RTN4IP1: variants seen among roughly 807,000 people sequenced by gnomAD.
The protein encoded by RTN4IP1 is NAD(P)H oxidoreductase RTN4IP1, mitochondrial.
RTN4IP1 carries 32 observed loss-of-function variants against 46.6 expected under a neutral mutation model. That is an observed-to-expected ratio of 0.69 (90% CI 0.52 to 0.92). The LOEUF (loss-of-function observed/expected upper bound fraction) is 0.92. Ranked by LOEUF, RTN4IP1 falls within the 40% of genes least tolerant of loss-of-function variation. The pLI is 0.00. For synonymous variants in RTN4IP1, 167 were observed against 161.8 expected (o/e 1.03, Z -0.24); for missense variants, 424 against 485.8 (o/e 0.87, Z 1.20).
At chr6:106,627,425 A>G (rs1381957534) in intron 1 of RTN4IP1, among the ~76,000 whole-genome samples, 1 of 152,212 alleles carries the variant, frequency 6.6e-6, no homozygotes, top group East Asian at 1.9e-4. Context: ...TGTTATCTTA[A>G]GTCAGAACAA....
chr6:106,611,181 A>G (rs914655226), intron 4 of RTN4IP1, among the ~76,000 whole-genome samples: 7 of 152,190 alleles, frequency 4.6e-5, no homozygotes, highest in African/African-American at 1.7e-4. Flanking sequence ...ATCTAGAGTC[A>G]CGGGTTCAGG....
chr6:106,608,676 A>G (rs1317197104), intron 4 of RTN4IP1, among the ~76,000 whole-genome samples: 1 of 152,226 alleles, frequency 6.6e-6, no homozygotes, highest in Non-Finnish European at 1.5e-5. Flanking sequence ...CTATTAATCT[A>G]TTATCAGTTG....
In RTN4IP1 at chr6:106,583,328, C is replaced by A; in HGVS notation, c.1083G>T (p.Lys361Asn). Residue 361 changes from lysine to asparagine, a missense_variant and splice_region_variant, in exon 8 of 9, where the codon AAG (lysine) becomes AAT (asparagine). Lys to Asn is a moderately conservative substitution (Grantham distance 94). Coordinates refer to ENST00000369063, the MANE Select transcript of RTN4IP1 (RefSeq NM_032730.5). ...DDIAELVDAG[K>N]IRPVIEQTFP... ...AATCCAGGTTTCCAGGTGCACGTACCTTTCCCGCATCCACCAGTTCTGCAA... is the reference window on the plus strand; with the variant it reads ...AATCCAGGTTTCCAGGTGCACGTACATTTCCCGCATCCACCAGTTCTGCAA... The A allele has an allele frequency of 6.2e-7, 1 of 1,612,796 alleles. No individual in the cohort carries two copies. Among genetic ancestry groups the A allele is most frequent in the South Asian group, 1.1e-5 (1 of 90,926 alleles).
At chr6:106,611,343 AC>A (rs1243755036) in intron 4 of RTN4IP1, among the ~76,000 whole-genome samples, 1 of 152,220 alleles carries the variant, frequency 6.6e-6, no homozygotes, top group Non-Finnish European at 1.5e-5. Flanking sequence ...TTTGAAACAG[AC>A]ATATATGGCC....
At chr6:106,628,688 C>G in intron 1 of RTN4IP1, 60 bp downstream of exon 1, 1 of 1,446,458 alleles carries the variant, frequency 6.9e-7, no homozygotes, top group Admixed American at 2.0e-5. Flanking sequence ...TTTTTTAAAA[C>G]GGCATACCTT....
intron 4 of RTN4IP1, among the ~76,000 whole-genome samples, chr6:106,609,217 G>A (rs1776162401): frequency 2.0e-5 from 3 of 152,330 alleles, no homozygotes; most frequent in African/African-American, 7.2e-5. Context: ...ATTGGCCACA[G>A]TGCCCTGGAT....
chr6:106,571,862 A>G lies in RTN4IP1; in HGVS notation c.*134T>C. ...AATTACTGGCCAAAATGGTGTGTTT[A>G]TTTTTTAAAGCTTGTATCATGGAAT... On this transcript the variant is annotated 3_prime_UTR_variant, in exon 9 of 9. Transcript: ENST00000369063. 1 of 592,190 alleles carries G rather than the reference A, an allele frequency of 1.7e-6. No individual in the cohort carries two copies. The highest frequency in any genetic ancestry group is 2.8e-5 in the East Asian group (1 of 35,396). The allele number at this position is 592,190 out of a possible 1,614,324, so 36.7% of individuals were successfully genotyped here.
chr6:106,607,650 A>T (rs1311710984), intron 4 of RTN4IP1: 2 of 152,184 alleles, frequency 1.3e-5, no homozygotes, highest in African/African-American at 4.8e-5. Flanking sequence ...AGGGAAATGC[A>T]AATTCAAACC....
intron 8 of RTN4IP1, among the ~76,000 whole-genome samples, chr6:106,582,189 A>T (rs1351556006): frequency 6.6e-6 from 1 of 152,216 alleles, no homozygotes; most frequent in Non-Finnish European, 1.5e-5. Flanking sequence ...AATACATAAA[A>T]AGCAGCCATT....
Position 106,628,798 on chromosome 6 carries a change from A to G in RTN4IP1, c.224T>C (p.Ile75Thr), listed in dbSNP as rs1776725953. The stretch of plus-strand genomic sequence containing the variant: ...TACACTGGCAGCGTGAACTTTGACA[A>G]TGACTTCATTTGGATAGTGTATGAT... ...MPIIHYPNEV[I>T]VKVHAASVNP... The change falls in exon 1 of 9, where the codon ATT becomes ACT. Residue 75 changes from isoleucine to threonine, a missense_variant. Transcript: ENST00000369063. 6.2e-7 allele frequency: 1 copy of G among 1,614,080 alleles called. No individual in the cohort carries two copies. Among genetic ancestry groups the G allele is most frequent in the Non-Finnish European group, 8.5e-7 (1 of 1,179,958 alleles).
chr6:106,599,286 T>A (rs185145749), intron 5 of RTN4IP1, among the ~76,000 whole-genome samples: 7 of 152,128 alleles, frequency 4.6e-5, no homozygotes, highest in African/African-American at 1.7e-4. Flanking sequence ...GCATACAGAA[T>A]ATAAATATAC....
chr6:106,613,472 T>G (rs149661885), intron 4 of RTN4IP1, among the ~76,000 whole-genome samples: 97 of 152,300 alleles, frequency 6.4e-4, no homozygotes, highest in African/African-American at 2.2e-3. Context: ...TAAAAAAATG[T>G]AAGAATTTAC....
chr6:106,620,978 C>T (rs1776471334), intron 3 of RTN4IP1, among the ~76,000 whole-genome samples: 1 of 152,130 alleles, frequency 6.6e-6, no homozygotes, highest in Admixed American at 6.6e-5. Flanking sequence ...TCCTGCCCTC[C>T]CTTCTGTAGC....
At chr6:106,599,490 AC>A (rs1651249484) in intron 5 of RTN4IP1, among the ~76,000 whole-genome samples, 1 of 148,262 alleles carries the variant, frequency 6.7e-6, no homozygotes, top group African/African-American at 2.5e-5. Context: ...AGTAGACACC[AC>A]CCTTAAACAC....
At position 106,628,222 on chromosome 6, in the gene RTN4IP1, C is replaced by T. The variant is rs566246270; in HGVS notation, c.274+526G>A. On this transcript the variant is annotated intron_variant, in intron 1 of 8. Coordinates refer to ENST00000369063, the MANE Select transcript of RTN4IP1 (RefSeq NM_032730.5). The stretch of plus-strand genomic sequence containing the variant: ...CAATGGCTCGTCTGTAATCCCAGCA[C>T]TTAGGGGGCGGAGGCAGAGGATCGC... Among the ~76,000 whole-genome samples, 3 of 152,072 alleles carry T rather than the reference C, an allele frequency of 2.0e-5. No homozygotes were observed. In the South Asian group the frequency reaches 6.2e-4, roughly 32 times the overall value.
intron 5 of RTN4IP1, among the ~76,000 whole-genome samples, chr6:106,596,509 G>A (rs1294626356): frequency 6.6e-6 from 1 of 152,172 alleles, no homozygotes; most frequent in East Asian, 1.9e-4. Context: ...ATTGAGCCCA[G>A]GAGGTTGAGG....
chr6:106,577,014 T>C (rs1432620292), intron 8 of RTN4IP1, among the ~76,000 whole-genome samples: 1 of 152,234 alleles, frequency 6.6e-6, no homozygotes, highest in East Asian at 1.9e-4. Flanking sequence ...GAGAAATCTA[T>C]ATCACTGTTC....
intron 8 of RTN4IP1, among the ~76,000 whole-genome samples, chr6:106,580,213 C>CA (rs746909333): frequency 0.14 from 9,535 of 68,832 alleles, 654 homozygotes; most frequent in Middle Eastern, 0.21. Context: ...GACTCTGTCT[C>CA]AAAAAAAAAA....
intron 4 of RTN4IP1, among the ~76,000 whole-genome samples, chr6:106,609,523 T>C (rs975723112): frequency 6.6e-6 from 1 of 152,152 alleles, no homozygotes; most frequent in African/African-American, 2.4e-5. Flanking sequence ...AGTGAGACCT[T>C]GTCTCTAAAA....
Sources: gnomAD v4.1 joint callset for allele counts (sites outside exome capture counted in the v4.1 genomes callset) on GRCh38, gnomAD v4.1.1 for gene constraint, MANE v1.5 for transcripts, NCBI Gene and HGNC (gene_info 2026-07-23, HGNC 2026-07-21) for gene names.